IL1RAPL2: variants seen among roughly 807,000 people sequenced by gnomAD.
IL1RAPL2 encodes the protein interleukin 1 receptor accessory protein like 2.
In IL1RAPL2, 3 loss-of-function variants were observed where a neutral mutation model predicts 44.1. The observed-to-expected ratio is 0.07, with a 90% CI of 0.03 to 0.18. IL1RAPL2 has a LOEUF of 0.18. IL1RAPL2 is among the 10% of genes least tolerant of loss of function. The pLI, the probability that IL1RAPL2 is intolerant of heterozygous loss-of-function variation, is 1.00. For missense variants in IL1RAPL2, 391 were observed against 496.4 expected (o/e 0.79, Z 2.02); for synonymous variants, 181 against 178.8 (o/e 1.01, Z -0.10).
intron 5 of IL1RAPL2, among the ~76,000 whole-genome samples, chrX:105,391,207 A>G (rs1008860201): frequency 3.6e-5 from 4 of 112,000 alleles, no homozygotes; most frequent in African/African-American, 1.3e-4. Flanking sequence ...GGGTGCCTGA[A>G]GAAATTAATG....
At chrX:104,645,980 A>T (rs1404279711) in intron 1 of IL1RAPL2, among the ~76,000 whole-genome samples, 2 of 112,265 alleles carry the variant, frequency 1.8e-5, no homozygotes, top group East Asian at 5.6e-4. Flanking sequence ...AGATTAATGG[A>T]TTAATGCTGA....
chrX:105,170,198 C>A (rs2033411528), intron 2 of IL1RAPL2, among the ~76,000 whole-genome samples: 1 of 109,352 alleles, frequency 9.1e-6, no homozygotes, highest in African/African-American at 3.3e-5. Context: ...AAACAGTGGG[C>A]AAATATCATG....
chrX:105,140,853 G>A (rs774368631), intron 2 of IL1RAPL2, among the ~76,000 whole-genome samples: 3 of 111,939 alleles, frequency 2.7e-5, no homozygotes, highest in East Asian at 2.8e-4. Flanking sequence ...GATATGTAGA[G>A]GTGAAGAGGT....
chrX:105,447,246 A>G (rs2035969371), intron 5 of IL1RAPL2, among the ~76,000 whole-genome samples: 1 of 29,398 alleles, frequency 3.4e-5, no homozygotes, highest in Non-Finnish European at 4.2e-5. Context: ...ATATAAATAT[A>G]AATATATATA....
intron 2 of IL1RAPL2, among the ~76,000 whole-genome samples, chrX:105,002,754 T>C (rs2030873843): frequency 9.1e-6 from 1 of 109,613 alleles, no homozygotes; most frequent in Non-Finnish European, 1.9e-5. Context: ...TCTGAAGAGA[T>C]TCTAAATTAA....
intron 2 of IL1RAPL2, among the ~76,000 whole-genome samples, chrX:104,828,433 G>C (rs1219476200): frequency 8.9e-6 from 1 of 112,155 alleles, no homozygotes; most frequent in Non-Finnish European, 1.9e-5. Flanking sequence ...TCCAGACCCT[G>C]TTTGCCTGGA....
At chrX:104,620,466 C>G (rs944481168) in intron 1 of IL1RAPL2, among the ~76,000 whole-genome samples, 18 of 106,313 alleles carry the variant, frequency 1.7e-4, no homozygotes, top group African/African-American at 6.2e-4. Context: ...GGTGAAAACC[C>G]GTCTCTACTA....
chrX:104,580,734 G>A (rs1030579783), intron 1 of IL1RAPL2, among the ~76,000 whole-genome samples: 57 of 112,244 alleles, frequency 5.1e-4, no homozygotes, highest in African/African-American at 1.8e-3. Flanking sequence ...GAAACTTCCA[G>A]GTTCTAATCC....
intron 6 of IL1RAPL2, among the ~76,000 whole-genome samples, chrX:105,547,595 G>A (rs950705519): frequency 4.5e-5 from 5 of 112,025 alleles, no homozygotes; most frequent in Non-Finnish European, 7.5e-5. Context: ...CAGTGATTTG[G>A]TGGCTCTACC....
intron 2 of IL1RAPL2, among the ~76,000 whole-genome samples, chrX:104,745,720 GA>G (rs1027673002): frequency 1.8e-5 from 2 of 111,485 alleles, no homozygotes; most frequent in African/African-American, 6.5e-5. Context: ...TATTTTAAAG[GA>G]AATCCCAAAT....
intron 2 of IL1RAPL2, among the ~76,000 whole-genome samples, chrX:104,703,687 A>G (rs1220544935): frequency 1.8e-5 from 2 of 112,382 alleles, no homozygotes; most frequent in Non-Finnish European, 3.8e-5. Context: ...TGCACTGAGC[A>G]CTGAAATGAA....
At chrX:105,618,924 T>G (rs191231576) in intron 6 of IL1RAPL2, among the ~76,000 whole-genome samples, 5 of 111,247 alleles carry the variant, frequency 4.5e-5, no homozygotes, top group Non-Finnish European at 7.6e-5. Flanking sequence ...CAGATAGCCT[T>G]CAGCTTTAAC....
intron 5 of IL1RAPL2, among the ~76,000 whole-genome samples, chrX:105,382,514 T>A (rs2035440732): frequency 9.5e-6 from 1 of 105,326 alleles, no homozygotes; most frequent in Non-Finnish European, 1.9e-5. Context: ...ACTTTTACAC[T>A]GTTGGTGGGA....
At chrX:105,348,763 A>G (rs2035130075) in intron 5 of IL1RAPL2, among the ~76,000 whole-genome samples, 1 of 111,829 alleles carries the variant, frequency 8.9e-6, no homozygotes. Context: ...GGGGGTTTAT[A>G]TAGCAGGGAA....
chrX:105,075,090 T>C (rs753076268), intron 2 of IL1RAPL2, among the ~76,000 whole-genome samples: 287 of 110,577 alleles, frequency 2.6e-3, no homozygotes, highest in African/African-American at 8.8e-3. Flanking sequence ...TGAATAGGAG[T>C]GGTGAGAGAG....
At chrX:105,136,184 A>AT (rs764482207) in intron 2 of IL1RAPL2, among the ~76,000 whole-genome samples, 41 of 110,871 alleles carry the variant, frequency 3.7e-4, no homozygotes, top group African/African-American at 1.3e-3. Flanking sequence ...GTCTAGGTTA[A>AT]TTTTTTTTTA....
At chrX:104,679,318 C>A (rs1258346079) in intron 2 of IL1RAPL2, among the ~76,000 whole-genome samples, 1 of 111,559 alleles carries the variant, frequency 9.0e-6, no homozygotes, top group Non-Finnish European at 1.9e-5. Context: ...GATAAAAACA[C>A]CCTTAGGGGC....
chrX:104,892,450 T>C (rs1602788634), intron 2 of IL1RAPL2, among the ~76,000 whole-genome samples: 1 of 111,837 alleles, frequency 8.9e-6, no homozygotes, highest in East Asian at 2.8e-4. Context: ...TGGTAGTCTA[T>C]TATTACCTCA....
intron 2 of IL1RAPL2, among the ~76,000 whole-genome samples, chrX:104,911,383 C>G (rs777615703): frequency 2.0e-4 from 22 of 111,854 alleles, no homozygotes; most frequent in Non-Finnish European, 3.9e-4. Flanking sequence ...GTGAAAATGT[C>G]TGAAACAAGA....
Sources: allele counts gnomAD v4.1 joint callset (sites outside exome capture counted in the v4.1 genomes callset), GRCh38; gene constraint gnomAD v4.1.1; transcripts MANE v1.5; gene names NCBI Gene and HGNC (gene_info 2026-07-23, HGNC 2026-07-21).